The following ZNF709 variants were observed in gnomAD, a reference collection of about 807,000 sequenced individuals.
ZNF709 encodes zinc finger protein 709.
In ZNF709, 15 loss-of-function variants were observed where a neutral mutation model predicts 10.6. The ratio of observed to expected loss-of-function variants is 1.41; its 90% confidence interval spans 0.95 to 2.18. The LOEUF (loss-of-function observed/expected upper bound fraction) is 2.18. Among genes scored for constraint, ZNF709 ranks in the 30% most tolerant of loss-of-function variants. The pLI is 0.00. For synonymous variants in ZNF709, 194 were observed against 238.8 expected, an observed-to-expected ratio of 0.81 and a Z score of 1.73; for missense variants, 589 against 774.0, an observed-to-expected ratio of 0.76 and a Z score of 2.84.
In ZNF709 at chr19:12,464,044, C is replaced by T. The variant is rs375967240; in HGVS notation, c.1878G>A (p.Lys626=). 10 of 1,527,024 alleles carry T rather than the reference C, an allele frequency of 6.5e-6. No homozygotes were observed. The African/African-American group carries it at 1.1e-4, about 17-fold the overall frequency. 94.6% of individuals were successfully genotyped at this position (1,527,024 alleles called of 1,614,324 possible). A position where few individuals can be genotyped will look rare whatever the true frequency, so the allele number is the denominator to read the frequency against. The change falls in exon 4 of 4, where the codon AAG becomes AAA. Residue 626 remains lysine (K), a synonymous_variant. Coordinates refer to ENST00000397732, the MANE Select transcript of ZNF709 (RefSeq NM_152601.4). The part of the protein sequence containing the change: ...YACQQCGKAF[K]CSRSFRIHER... ...CATGTATTCGAAAGGAACGGGAACA[C>T]TTGAAGGCTTTACCACATTGTTGAC...
intron 1 of ZNF709, among the ~76,000 whole-genome samples, chr19:12,475,690 G>A (rs12462209): frequency 0.75 from 114,593 of 152,074 alleles, 43,503 homozygotes; most frequent in Non-Finnish European, 0.79. Context: ...TCAACAGATT[G>A]TACTCAAAGT....
At chr19:12,475,793 G>A (rs963755133) in intron 1 of ZNF709, among the ~76,000 whole-genome samples, 2 of 152,132 alleles carry the variant, frequency 1.3e-5, no homozygotes, top group African/African-American at 4.8e-5. Flanking sequence ...TGACATGATT[G>A]TCTAAGTAGA....
At chr19:12,476,213 A>AG (rs1970676973) in intron 1 of ZNF709, among the ~76,000 whole-genome samples, 2 of 152,162 alleles carry the variant, frequency 1.3e-5, no homozygotes, top group South Asian at 2.1e-4. Flanking sequence ...GCAACTAAGT[A>AG]GGACCCCATC....
At position 12,463,160 on chromosome 19, in the gene ZNF709, G is replaced by GAGT. The variant is rs1350413802; in HGVS notation, c.*833_*835dup. 1 of 152,184 alleles carries GAGT rather than the reference G, an allele frequency of 6.6e-6. No individual in the cohort carries two copies. Among genetic ancestry groups the GAGT allele is most frequent in the Non-Finnish European group, 1.5e-5 (1 of 68,040 alleles). 9.4% of individuals were successfully genotyped at this position (152,184 alleles called of 1,614,324 possible). A position where few individuals can be genotyped will look rare whatever the true frequency, so the allele number is the denominator to read the frequency against. ...TGAGATTGAAGTTTCACACATAAGG[G>GAGT]AGTATCACATGAGCATTTGTTAAAA... On this transcript the variant is annotated 3_prime_UTR_variant, in exon 4 of 4. Coordinates refer to ENST00000397732, the MANE Select transcript of ZNF709 (RefSeq NM_152601.4).
rs1331591091 is a variant in ZNF709, at chr19:12,464,440, A to C, written c.1482T>G (p.His494Gln). 1 of 1,612,592 alleles carries C rather than the reference A, an allele frequency of 6.2e-7. No individual in the cohort carries two copies. The highest frequency in any genetic ancestry group is 1.1e-5 in the South Asian group (1 of 90,868). Reference sequence around the variant, plus strand: ...GTTTCTCTCCAGTGTGAGTCCTTTCATGCATCCGAAAGGAACTAGAAAAAC... The same window carrying C: ...GTTTCTCTCCAGTGTGAGTCCTTTCCTGCATCCGAAAGGAACTAGAAAAAC... ...AFSFSSSFRMHERTHTGEKPY... is the reference protein window; with the variant it reads ...AFSFSSSFRMQERTHTGEKPY... Residue 494 changes from histidine to glutamine, a missense_variant, in exon 4 of 4, where the codon CAT becomes CAG. Transcript: ENST00000397732.
At chr19:12,469,511 AT>A (rs1376022120) in intron 1 of ZNF709, among the ~76,000 whole-genome samples, 3 of 152,114 alleles carry the variant, frequency 2.0e-5, no homozygotes, top group South Asian at 4.2e-4. Context: ...GCTCACGCCT[AT>A]AATCCCAGCA....
At chr19:12,483,248 C>T (rs1160502473) in intron 1 of ZNF709, among the ~76,000 whole-genome samples, 3 of 151,922 alleles carry the variant, frequency 2.0e-5, no homozygotes, top group African/African-American at 2.4e-5. Flanking sequence ...TCAAGCAATC[C>T]TCCCGCCTCG....
At chr19:12,481,786 A>C (rs553846816) in intron 1 of ZNF709, among the ~76,000 whole-genome samples, 221 of 152,064 alleles carry the variant, frequency 1.5e-3, no homozygotes, top group Non-Finnish European at 2.3e-3. Flanking sequence ...GCACACCTGT[A>C]GTCCTAGGTA....
chr19:12,466,244 AT>A (rs1970569899), intron 3 of ZNF709, among the ~76,000 whole-genome samples: 1 of 152,180 alleles, frequency 6.6e-6, no homozygotes, highest in Non-Finnish European at 1.5e-5. Context: ...CCTGGCCAAA[AT>A]TCATAATATA....
chr19:12,466,442 C>G lies in ZNF709; in HGVS notation c.188+20G>C. The G allele has an allele frequency of 6.2e-7, 1 of 1,610,278 alleles. No individual in the cohort carries two copies. The highest frequency in any genetic ancestry group is 8.5e-7 in the Non-Finnish European group (1 of 1,176,912). ...AGATTCTCTCATAAGACAGTATTTT[C>G]TTTTGTAAGTACAACTCACCTTAGC... is the stretch of plus-strand genomic sequence containing the variant. On this transcript the variant is annotated intron_variant, in intron 3 of 3. Coordinates refer to ENST00000397732, the MANE Select transcript of ZNF709 (RefSeq NM_152601.4).
intron 1 of ZNF709, chr19:12,481,234 C>T (rs1599636652): frequency 3.1e-6 from 3 of 964,244 alleles, no homozygotes; most frequent in East Asian, 2.3e-4. Flanking sequence ...CCAGAGTTTT[C>T]TTTTTTTTTG....
Position 12,464,880 on chromosome 19 carries a change from G to T in ZNF709, c.1042C>A (p.Leu348Ile). 6.2e-7 allele frequency: 1 copy of T among 1,613,844 alleles called. No individual in the cohort carries two copies. The highest frequency in any genetic ancestry group is 1.1e-5 in the South Asian group (1 of 91,040). Residue 348 changes from leucine to isoleucine, a missense_variant, in exon 4 of 4, where the codon CTT (leucine) becomes ATT (isoleucine). Around this residue, in one of 2 missense-constraint regions of ZNF709, gnomAD observed 418 missense variants for 496.3 expected, o/e 0.84. Transcript: ENST00000397732. ...ATCATATGTCTTCGATAGCTTGGAA[G>T]AGAAATGAATGCTTTCCCACATTCC... ...CKECGKAFIS[L>I]PSYRRHMIMH...
At chr19:12,484,616 C>T (rs766855478) in intron 1 of ZNF709, 39 bp downstream of exon 1, 1 of 1,612,984 alleles carries the variant, frequency 6.2e-7, no homozygotes, top group East Asian at 2.2e-5. Flanking sequence ...CAACCCGCCC[C>T]TCTCTCCCAT....
At position 12,484,782 on chromosome 19, in the gene ZNF709, G is replaced by C. The variant is rs1037171538; in HGVS notation, c.-125C>G. The C allele has an allele frequency of 1.5e-6, 2 of 1,346,820 alleles. No homozygotes were observed. Among genetic ancestry groups the C allele is most frequent in the African/African-American group, 1.5e-5 (1 of 68,406 alleles). 83.4% of individuals were successfully genotyped at this position (1,346,820 alleles called of 1,614,324 possible). On this transcript the variant is annotated 5_prime_UTR_variant, in exon 1 of 4. Transcript: ENST00000397732. ...TGGGGTGAGGAGACCCCAGAGCGGA[G>C]CGCAGCGGCTGGTAGCCACGCCCTC... is the stretch of plus-strand genomic sequence containing the variant.
Position 12,484,779 on chromosome 19 carries a change from G to C in ZNF709, c.-122C>G, listed in dbSNP as rs531072788. The C allele has an allele frequency of 8.9e-5, 120 of 1,350,222 alleles. No individual in the cohort carries two copies. In the East Asian group the frequency reaches 2.9e-3, roughly 32 times the overall value. 83.6% of individuals were successfully genotyped at this position (1,350,222 alleles called of 1,614,324 possible). ...TTCTGGGGTGAGGAGACCCCAGAGC[G>C]GAGCGCAGCGGCTGGTAGCCACGCC... On this transcript the variant is annotated 5_prime_UTR_variant, in exon 1 of 4. Coordinates refer to ENST00000397732, the MANE Select transcript of ZNF709 (RefSeq NM_152601.4).
intron 1 of ZNF709, among the ~76,000 whole-genome samples, chr19:12,482,832 G>C (rs1469529921): frequency 6.6e-6 from 1 of 152,000 alleles, no homozygotes; most frequent in Non-Finnish European, 1.5e-5. Context: ...GAAACAACTG[G>C]GCCTTCGATT....
rs937104046 is a variant in ZNF709 at position 12,461,533 on chromosome 19, G to A, written c.*2463C>T. ...ACTGCACCACTGTAGTTGTCACGGT[G>A]GAATCAGAAACACATAGTCACTGGT... On this transcript the variant is annotated 3_prime_UTR_variant, in exon 4 of 4. Transcript: ENST00000397732. 1.3e-5 allele frequency: 2 copies of A among 152,004 alleles called. No homozygotes were observed. The highest frequency in any genetic ancestry group is 2.9e-5 in the Non-Finnish European group (2 of 68,008). 9.4% of individuals were successfully genotyped at this position (152,004 alleles called of 1,614,324 possible). A position where few individuals can be genotyped will look rare whatever the true frequency, so the allele number is the denominator to read the frequency against.
In ZNF709 at chr19:12,475,558, C is replaced by T. The variant is rs181356574; in HGVS notation, c.4-8708G>A. 1.5e-4 allele frequency among the ~76,000 whole-genome samples: 23 copies of T among 152,212 alleles called. No homozygotes were observed. The East Asian group carries it at 3.1e-3, about 20-fold the overall frequency. ...TAAGAAACTGGAGATAGACTTTCCT[C>T]TTTTTGAGAAGCAGTATTTATAGGA... On this transcript the variant is annotated intron_variant, in intron 1 of 3. Coordinates refer to ENST00000397732, the MANE Select transcript of ZNF709 (RefSeq NM_152601.4).
chr19:12,476,336 G>A (rs1970677993), intron 1 of ZNF709, among the ~76,000 whole-genome samples: 1 of 151,446 alleles, frequency 6.6e-6, no homozygotes. Flanking sequence ...AGGCTGCAGT[G>A]AGCCAAGATT....
Sources: allele counts gnomAD v4.1 joint callset (sites outside exome capture counted in the v4.1 genomes callset), GRCh38; gene constraint gnomAD v4.1.1; regional missense constraint gnomAD v4.1.1; transcripts MANE v1.5; gene names NCBI Gene and HGNC (gene_info 2026-07-23, HGNC 2026-07-21).